Variants in ERBB4 observed in about 807,000 individuals in gnomAD.
ERBB4 encodes the protein erb-b2 receptor tyrosine kinase 4, also known as receptor tyrosine-protein kinase erbB-4.
In ERBB4, 42 loss-of-function variants were observed where a neutral mutation model predicts 158.0. That is an observed-to-expected ratio of 0.27 (90% CI 0.21 to 0.34). The LOEUF (loss-of-function observed/expected upper bound fraction) is 0.34. Among genes scored for constraint, ERBB4 ranks in the 10% least tolerant of loss-of-function variants. ERBB4 has a pLI of 1.00. For missense variants in ERBB4, 1,333 were observed against 1,624.1 expected, an observed-to-expected ratio of 0.82 and a Z score of 3.08; for synonymous variants, 583 against 558.7, an observed-to-expected ratio of 1.04 and a Z score of -0.61.
intron 20 of ERBB4, among the ~76,000 whole-genome samples, chr2:211,490,533 A>G (rs1228529296): frequency 6.6e-6 from 1 of 152,020 alleles, no homozygotes; most frequent in Non-Finnish European, 1.5e-5. Context: ...TAGAAAGATA[A>G]TGAGTTTATA....
chr2:211,695,542 AAAAT>A (rs2072984185), intron 12 of ERBB4, among the ~76,000 whole-genome samples: 2 of 152,210 alleles, frequency 1.3e-5, no homozygotes, highest in Admixed American at 6.5e-5. Context: ...AGAAAAAAGA[AAAAT>A]AAATATATTT....
intron 1 of ERBB4, among the ~76,000 whole-genome samples, chr2:212,363,192 G>C (rs893698948): frequency 1.3e-5 from 2 of 151,260 alleles, no homozygotes; most frequent in Non-Finnish European, 3.0e-5. Flanking sequence ...GGTTGTAATT[G>C]TGTGATCAGA....
intron 20 of ERBB4, chr2:211,535,584 A>AATGTATGTGTGTGTGT (rs2066624745): frequency 6.9e-6 from 1 of 144,554 alleles, no homozygotes; most frequent in South Asian, 2.1e-4. Context: ...AGAGAGAGAG[A>AATGTATGTGTGTGTGT]GTGTATGTGT....
intron 20 of ERBB4, among the ~76,000 whole-genome samples, chr2:211,446,603 G>A (rs1429464521): frequency 6.6e-6 from 1 of 151,978 alleles, no homozygotes; most frequent in Non-Finnish European, 1.5e-5. Context: ...ACAAATGCAT[G>A]GGATCTGAAA....
chr2:212,311,044 G>C (rs766158810), intron 1 of ERBB4, among the ~76,000 whole-genome samples: 3 of 150,740 alleles, frequency 2.0e-5, no homozygotes, highest in Non-Finnish European at 3.0e-5. Context: ...AGTGACTTCT[G>C]TACTAGAACA....
chr2:212,054,618 T>C (rs113301988), intron 2 of ERBB4, among the ~76,000 whole-genome samples: 1,984 of 152,216 alleles, frequency 0.013, 22 homozygotes, highest in Middle Eastern at 0.027. Context: ...TGTGCTTCCA[T>C]TTTCTCTTCT....
intron 1 of ERBB4, among the ~76,000 whole-genome samples, chr2:212,335,367 A>T (rs542900830): frequency 6.6e-6 from 1 of 152,126 alleles, no homozygotes; most frequent in Non-Finnish European, 1.5e-5. Context: ...TCATGAAAGT[A>T]GTAGTGGGTT....
chr2:212,386,493 A>G (rs62184102), intron 1 of ERBB4, among the ~76,000 whole-genome samples: 13,538 of 151,712 alleles, frequency 0.089, 966 homozygotes, highest in African/African-American at 0.2. Flanking sequence ...ATGAACAATT[A>G]GAAAGCTACC....
chr2:211,704,190 G>A lies in ERBB4; in HGVS notation c.1203C>T (p.Phe401=), dbSNP rs2073353809. The change falls in exon 11 of 28, where the codon TTC becomes TTT. Residue 401 remains phenylalanine, a synonymous_variant. Coordinates refer to ENST00000342788, the MANE Select transcript of ERBB4 (RefSeq NM_005235.3). ...TTGGTGGCCATGACTGTATGTTCAG[G>A]AAACCTACAAGTGAAGAGTAGAAAA... ...VFRTVREITG[F]LNIQSWPPNM... is the part of the protein sequence containing the mutation. The A allele has an allele frequency of 6.3e-7, 1 of 1,598,940 alleles. No homozygotes were observed. The highest frequency in any genetic ancestry group is 1.7e-4 in the Middle Eastern group (1 of 6,034).
chr2:211,881,608 G>C (rs968018581), intron 3 of ERBB4, among the ~76,000 whole-genome samples: 2 of 137,056 alleles, frequency 1.5e-5, no homozygotes, highest in East Asian at 5.3e-4. Flanking sequence ...GGGTCGGGGG[G>C]GCTGAGATTT....
intron 1 of ERBB4, among the ~76,000 whole-genome samples, chr2:212,233,813 C>T (rs1276980746): frequency 6.6e-6 from 1 of 151,918 alleles, no homozygotes; most frequent in African/African-American, 2.4e-5. Flanking sequence ...GTAATTCTGT[C>T]TACTTACACT....
intron 1 of ERBB4, among the ~76,000 whole-genome samples, chr2:212,528,834 G>T (rs529129194): frequency 6.6e-6 from 1 of 152,072 alleles, no homozygotes; most frequent in Non-Finnish European, 1.5e-5. Flanking sequence ...TCACCTCTCA[G>T]TTCAGTTATA....
At chr2:212,493,573 T>C (rs1690401019) in intron 1 of ERBB4, among the ~76,000 whole-genome samples, 2 of 151,798 alleles carry the variant, frequency 1.3e-5, no homozygotes, top group Admixed American at 1.3e-4. Context: ...CGCAGACACA[T>C]AGTTCAAATT....
intron 1 of ERBB4, among the ~76,000 whole-genome samples, chr2:212,522,580 G>C (rs1208175404): frequency 3.3e-5 from 5 of 151,870 alleles, no homozygotes; most frequent in African/African-American, 1.2e-4. Context: ...AGACAGGGGA[G>C]GGCATCTGGA....
chr2:211,958,971 A>G (rs893930096), intron 2 of ERBB4, among the ~76,000 whole-genome samples: 6 of 152,094 alleles, frequency 3.9e-5, no homozygotes, highest in Non-Finnish European at 7.4e-5. Context: ...TCAAACATAC[A>G]TAGAATCAAA....
At chr2:212,009,958 T>A (rs2076345798) in intron 2 of ERBB4, among the ~76,000 whole-genome samples, 1 of 152,230 alleles carries the variant, frequency 6.6e-6, no homozygotes. Context: ...CTATCCCTCA[T>A]AAGCCAGAAT....
At position 211,415,203 on chromosome 2, in the gene ERBB4, G is replaced by A. The variant is rs1295777632; in HGVS notation, c.3135+5238C>T. ...GCGACCTCGGCTCACTGCAAGCTCC[G>A]CCTCCCGGGTTCACGCCATTCTCCT... On this transcript the variant is annotated intron_variant, in intron 25 of 27. Coordinates refer to ENST00000342788, the MANE Select transcript of ERBB4 (RefSeq NM_005235.3). 7.0e-5 allele frequency among the ~76,000 whole-genome samples: 9 copies of A among 128,008 alleles called. No individual in the cohort carries two copies. The East Asian group carries it at 1.6e-3, about 23-fold the overall frequency. The allele number at this position is 128,008 out of a possible 152,430, so 84.0% of individuals were successfully genotyped here.
intron 2 of ERBB4, among the ~76,000 whole-genome samples, chr2:212,074,622 A>G (rs1224941454): frequency 6.6e-6 from 1 of 151,914 alleles, no homozygotes; most frequent in Non-Finnish European, 1.5e-5. Flanking sequence ...ACCTGGGGAG[A>G]CAATGGTTAT....
intron 1 of ERBB4, among the ~76,000 whole-genome samples, chr2:212,242,720 C>A (rs1052488892): frequency 6.6e-6 from 1 of 151,972 alleles, no homozygotes; most frequent in African/African-American, 2.4e-5. Context: ...AAAGGTGGCA[C>A]AGCAGGTTGT....
Sources: gnomAD v4.1 joint callset for allele counts (sites outside exome capture counted in the v4.1 genomes callset) on GRCh38, gnomAD v4.1.1 for gene constraint, MANE v1.5 for transcripts, NCBI Gene and HGNC (gene_info 2026-07-23, HGNC 2026-07-21) for gene names.